The following TSHZ3 variants were observed in gnomAD, a reference collection of about 807,000 sequenced individuals.
TSHZ3 encodes the protein teashirt homolog 3.
Under a neutral mutation model 64.5 loss-of-function variants are expected in TSHZ3, and 10 were observed. The ratio of observed to expected loss-of-function variants is 0.16; its 90% CI spans 0.10 to 0.26. TSHZ3 has a LOEUF of 0.26. Among genes scored for constraint, TSHZ3 ranks in the 10% least tolerant of loss-of-function variants. The pLI is 1.00. For synonymous variants in TSHZ3, 608 were observed against 593.1 expected (o/e 1.03, Z -0.36); for missense variants, 1,242 against 1,421.7 (o/e 0.87, Z 2.03).
Position 31,277,654 on chromosome 19 carries a change from C to A in TSHZ3, c.2139G>T (p.Pro713=), listed in dbSNP as rs143383836. 1 of 1,535,968 alleles carries A rather than the reference C, an allele frequency of 6.5e-7. No homozygotes were observed. The highest frequency in any genetic ancestry group is 8.8e-7 in the Non-Finnish European group (1 of 1,142,520). The change falls in exon 2 of 2, where the codon CCG becomes CCT. Residue 713 remains proline, a synonymous_variant. Coordinates refer to ENST00000240587, the MANE Select transcript of TSHZ3 (RefSeq NM_020856.4). The surrounding 1 kb of genome is among the most constrained non-coding windows in gnomAD (Gnocchi z 4.5). ...AAGGGTTAACAAAAGGCTGTTCAGG[C>A]GGGTGGTCGGTGATGATGGCCGTGC... ...SGSTAIITDH[P]PEQPFVNPLS... is the part of the protein sequence containing the mutation.
At chr19:31,300,529 C>A (rs1408746455) in intron 1 of TSHZ3, among the ~76,000 whole-genome samples, 2 of 152,078 alleles carry the variant, frequency 1.3e-5, no homozygotes, top group Non-Finnish European at 2.9e-5. Context: ...TAGGTTATAA[C>A]CAAAGGGTGA....
chr19:31,235,002 G>A (rs565039022), intron 3 of TSHZ3, among the ~76,000 whole-genome samples: 2 of 152,256 alleles, frequency 1.3e-5, no homozygotes, highest in African/African-American at 4.8e-5. Flanking sequence ...TCTTGTATGG[G>A]AAGTTTTTTT....
chr19:31,172,639 G>T (rs1157429881), intron 5 of TSHZ3, among the ~76,000 whole-genome samples: 1 of 152,162 alleles, frequency 6.6e-6, no homozygotes, highest in Non-Finnish European at 1.5e-5. Context: ...AAAGCATCAT[G>T]AACATAAAGA....
chr19:31,346,076 C>A (rs1258865062), intron 1 of TSHZ3, among the ~76,000 whole-genome samples: 1 of 152,130 alleles, frequency 6.6e-6, no homozygotes, highest in Non-Finnish European at 1.5e-5. Context: ...TAGTTTCTAT[C>A]AAAACATCAA....
At chr19:31,318,031 T>C (rs1023201925) in intron 1 of TSHZ3, among the ~76,000 whole-genome samples, 3 of 152,188 alleles carry the variant, frequency 2.0e-5, no homozygotes, top group Middle Eastern at 3.2e-3. Context: ...AAACCACTTA[T>C]AAAAGACAAC....
Position 31,186,670 on chromosome 19 carries a change from G to A in TSHZ3, n.809+18286C>T, listed in dbSNP as rs1031474471. Among the ~76,000 whole-genome samples the A allele has an allele frequency of 2.0e-5, 3 of 152,104 alleles. No individual in the cohort carries two copies. In the East Asian group the frequency reaches 5.8e-4, roughly 29 times the overall value. ...ATTTGGTTTCACCATTTTTCATTTAGCCAACAATGTAAGAGAGCTCTGCAA... is the reference window on the plus strand; with the variant it reads ...ATTTGGTTTCACCATTTTTCATTTAACCAACAATGTAAGAGAGCTCTGCAA... On this transcript the variant is annotated intron_variant and non_coding_transcript_variant, in intron 5 of 6. Transcript: ENST00000651361.
chr19:31,271,913 T>C (rs1976145836), downstream of TSHZ3, among the ~76,000 whole-genome samples: 1 of 152,202 alleles, frequency 6.6e-6, no homozygotes, highest in South Asian at 2.1e-4. Flanking sequence ...AGAGCGGTGT[T>C]GGAGTTTGCA....
intron 1 of TSHZ3, among the ~76,000 whole-genome samples, chr19:31,259,882 C>T (rs1053516133): frequency 6.6e-6 from 1 of 152,142 alleles, no homozygotes; most frequent in Non-Finnish European, 1.5e-5. Flanking sequence ...CTAGGAAAAT[C>T]CTTAGAGAAA....
chr19:31,309,147 C>A (rs1015461896), intron 1 of TSHZ3, among the ~76,000 whole-genome samples: 2 of 152,252 alleles, frequency 1.3e-5, no homozygotes, highest in Non-Finnish European at 1.5e-5. Flanking sequence ...CTTGCAGACA[C>A]AATGCCGGAA....
At chr19:31,171,373 T>G (rs929903244) in intron 5 of TSHZ3, among the ~76,000 whole-genome samples, 3 of 152,094 alleles carry the variant, frequency 2.0e-5, no homozygotes, top group Non-Finnish European at 4.4e-5. Context: ...AGATGGGAGA[T>G]GAGTCCCAAA....
Position 31,259,529 on chromosome 19 carries a change from C to T in TSHZ3, n.64-16654G>A, listed in dbSNP as rs577953405. On this transcript the variant is annotated intron_variant and non_coding_transcript_variant, in intron 1 of 6. Transcript: ENST00000651361. ...AGAAATGGTCGTTCCCTGCTAGGCACATGGGCTGGGGTCTGTGGTCCTGGG... is the reference window on the plus strand; with the variant it reads ...AGAAATGGTCGTTCCCTGCTAGGCATATGGGCTGGGGTCTGTGGTCCTGGG... 1.8e-4 allele frequency among the ~76,000 whole-genome samples: 28 copies of T among 152,116 alleles called. No homozygotes were observed. In the South Asian group the frequency reaches 2.7e-3, roughly 15 times the overall value.
chr19:31,173,959 T>A (rs1974572078), intron 5 of TSHZ3, among the ~76,000 whole-genome samples: 1 of 152,092 alleles, frequency 6.6e-6, no homozygotes, highest in African/African-American at 2.4e-5. Context: ...TCCCAGCTAC[T>A]CGGGAGGCTG....
At chr19:31,315,984 G>A (rs1438560624) in intron 1 of TSHZ3, among the ~76,000 whole-genome samples, 1 of 152,058 alleles carries the variant, frequency 6.6e-6, no homozygotes, top group Non-Finnish European at 1.5e-5. Context: ...TACCCATTCA[G>A]CACTAATCAA....
chr19:31,241,663 C>T (rs1205815246), intron 3 of TSHZ3, among the ~76,000 whole-genome samples: 1 of 152,200 alleles, frequency 6.6e-6, no homozygotes. Flanking sequence ...CAAACTCTGA[C>T]CTCATTCTCC....
In TSHZ3 at chr19:31,277,319, G is replaced by A; in HGVS notation, c.2474C>T (p.Ala825Val). Reference protein sequence around the residue: ...PATSSSTVTTAKTSAVVSFMS... With the variant: ...PATSSSTVTTVKTSAVVSFMS... ...GAATGATACGACGGCAGATGTCTTT[G>A]CCGTTGTCACCGTGGATGAGGAGGT... Residue 825 changes from alanine to valine, a missense_variant, in exon 2 of 2, where the codon GCA becomes GTA. Ala to Val is a moderately conservative substitution (Grantham distance 64, BLOSUM62 0). Around this residue, in one of 4 missense-constraint regions of TSHZ3, gnomAD observed 550 missense variants for 545.1 expected, o/e 1.01. Coordinates refer to ENST00000240587, the MANE Select transcript of TSHZ3 (RefSeq NM_020856.4). This position sits in a 1 kb window ranked among gnomAD's most constrained non-coding sequence, Gnocchi z 4.5. The A allele has an allele frequency of 6.2e-7, 1 of 1,613,310 alleles. No individual in the cohort carries two copies.
At chr19:31,249,716 G>A (rs913313640) in intron 1 of TSHZ3, among the ~76,000 whole-genome samples, 4 of 152,184 alleles carry the variant, frequency 2.6e-5, no homozygotes, top group Non-Finnish European at 4.4e-5. Context: ...CACAGTTCAG[G>A]ATGGAGGGAG....
At chr19:31,256,094 G>A (rs1186530738) in intron 1 of TSHZ3, among the ~76,000 whole-genome samples, 3 of 152,106 alleles carry the variant, frequency 2.0e-5, no homozygotes, top group African/African-American at 4.8e-5. Context: ...TGGTCCCCAT[G>A]TTCACCCTCC....
rs1261472879 is a variant in TSHZ3 at position 31,278,509 on chromosome 19, C to T, written c.1284G>A (p.Thr428=). 36 of 1,613,964 alleles carry T rather than the reference C, an allele frequency of 2.2e-5. No individual in the cohort carries two copies. Among genetic ancestry groups the T allele is most frequent in the Middle Eastern group, 1.6e-4 (1 of 6,084 alleles). The change falls in exon 2 of 2, where the codon ACG becomes ACA. Residue 428 remains threonine, a synonymous_variant. Transcript: ENST00000240587. This position sits in a 1 kb window ranked among gnomAD's most constrained non-coding sequence, Gnocchi z 4.7. ...AMKKGKPIVE[T]PVTPTITTLL... is the part of the protein sequence containing the mutation. ...GGGTTGTGATGGTAGGTGTGACAGG[C>T]GTCTCCACAATGGGCTTCCCCTTTT...
rs539801889 is a variant in TSHZ3, at chr19:31,218,687, T to C, written n.686+9318A>G. On this transcript the variant is annotated intron_variant and non_coding_transcript_variant, in intron 4 of 6. Coordinates refer to the TSHZ3 transcript ENST00000651361. ...GTAGTTCAACGGATGAATAAACTGG[T>C]TCATCCAGACTATGGAATATTGTTC... is the stretch of plus-strand genomic sequence containing the variant. Among the ~76,000 whole-genome samples the C allele has an allele frequency of 8.8e-4, 134 of 152,290 alleles. No individual in the cohort carries two copies. In the South Asian group the frequency reaches 0.012, roughly 14 times the overall value.
Sources: allele counts gnomAD v4.1 joint callset (sites outside exome capture counted in the v4.1 genomes callset), GRCh38; gene constraint gnomAD v4.1.1; regional missense constraint gnomAD v4.1.1; non-coding constraint Gnocchi (gnomAD v3.1); transcripts MANE v1.5; gene names NCBI Gene and HGNC (gene_info 2026-07-23, HGNC 2026-07-21).